CRADD: variants seen among roughly 807,000 people sequenced by gnomAD.
The protein encoded by CRADD is death domain-containing protein CRADD.
Under a neutral mutation model 15.5 loss-of-function variants are expected in CRADD, and 9 were observed. That is an observed-to-expected ratio of 0.58 (90% CI 0.35 to 1.01). The LOEUF is 1.01. Among genes scored for constraint, CRADD ranks in the 50% least tolerant of loss-of-function variants. The pLI is 0.02. For synonymous variants in CRADD, 118 were observed against 107.6 expected (o/e 1.10, Z -0.60); for missense variants, 227 against 250.3 (o/e 0.91, Z 0.63).
chr12:93,780,277 C>T (rs538995568), intron 2 of CRADD, among the ~76,000 whole-genome samples: 3 of 152,108 alleles, frequency 2.0e-5, no homozygotes, highest in Non-Finnish European at 2.9e-5. Flanking sequence ...GAAGCATGCA[C>T]GATAGATAAT....
intron 2 of CRADD, among the ~76,000 whole-genome samples, chr12:93,815,670 T>G (rs1312819784): frequency 1.3e-5 from 2 of 152,232 alleles, no homozygotes; most frequent in Admixed American, 6.5e-5. Context: ...TCCTAAAGTC[T>G]CTTAGCTTTT....
chr12:93,731,889 C>G (rs1956471291), intron 2 of CRADD, among the ~76,000 whole-genome samples: 1 of 152,134 alleles, frequency 6.6e-6, no homozygotes, highest in African/African-American at 2.4e-5. Flanking sequence ...GTAATCCCAG[C>G]ACTTTGGGAG....
At chr12:93,792,009 A>G (rs906481084) in intron 2 of CRADD, among the ~76,000 whole-genome samples, 1 of 151,756 alleles carries the variant, frequency 6.6e-6, no homozygotes, top group Non-Finnish European at 1.5e-5. Flanking sequence ...TTAATTTCCA[A>G]TAACTAGAGA....
intron 2 of CRADD, among the ~76,000 whole-genome samples, chr12:93,735,257 AGGCAGCTTACGAAATGG>A (rs924173828): frequency 6.6e-6 from 1 of 152,210 alleles, no homozygotes; most frequent in Non-Finnish European, 1.5e-5. Context: ...TTAGCAGTGT[AGGCAGCTTACGAAATGG>A]GGCAGGTTTC....
intron 2 of CRADD, among the ~76,000 whole-genome samples, chr12:93,847,872 G>A (rs1029477099): frequency 2.0e-5 from 3 of 152,198 alleles, no homozygotes; most frequent in Admixed American, 2.0e-4. Flanking sequence ...AATTGTGTGT[G>A]TGTATGTTTT....
chr12:93,722,295 G>C (rs1352163324), intron 2 of CRADD, among the ~76,000 whole-genome samples: 1 of 151,944 alleles, frequency 6.6e-6, no homozygotes, highest in African/African-American at 2.4e-5. Context: ...ACTTTTTGTA[G>C]TTTGAAACGA....
At chr12:93,781,648 CTG>C (rs1043150031) in intron 2 of CRADD, among the ~76,000 whole-genome samples, 3 of 152,200 alleles carry the variant, frequency 2.0e-5, no homozygotes, top group Admixed American at 6.5e-5. Context: ...ACAGCACCAC[CTG>C]TGAAGTATTC....
intron 2 of CRADD, among the ~76,000 whole-genome samples, chr12:93,778,103 A>G (rs969206342): frequency 1.3e-5 from 2 of 152,184 alleles, no homozygotes; most frequent in Non-Finnish European, 2.9e-5. Context: ...TTTGGACCAA[A>G]CAGAAGTCCT....
At chr12:93,755,834 A>G (rs1956883924) in intron 2 of CRADD, among the ~76,000 whole-genome samples, 1 of 152,244 alleles carries the variant, frequency 6.6e-6, no homozygotes, top group Admixed American at 6.5e-5. Flanking sequence ...CTTTGTTTCA[A>G]TAAAAGAAAA....
chr12:93,853,808 A>AT (rs1163910057), downstream of CRADD, among the ~76,000 whole-genome samples: 1 of 152,208 alleles, frequency 6.6e-6, no homozygotes, highest in African/African-American at 2.4e-5. Context: ...AAGGGTTGAT[A>AT]GTCTACGTGT....
chr12:93,753,169 G>A (rs1442143297), intron 2 of CRADD, among the ~76,000 whole-genome samples: 1 of 152,036 alleles, frequency 6.6e-6, no homozygotes, highest in Non-Finnish European at 1.5e-5. Flanking sequence ...GAGAGAGTGT[G>A]TGTAGGTGAA....
At chr12:93,793,131 G>A (rs1050909651) in intron 2 of CRADD, among the ~76,000 whole-genome samples, 5 of 152,094 alleles carry the variant, frequency 3.3e-5, no homozygotes, top group African/African-American at 1.2e-4. Flanking sequence ...CAAACCATAA[G>A]CAACTCAAGA....
intron 2 of CRADD, chr12:93,738,454 A>C: frequency 5.7e-6 from 4 of 702,354 alleles, no homozygotes; most frequent in South Asian, 3.0e-5. Context: ...TCTGTTATGA[A>C]GTCTACCCAG....
intron 2 of CRADD, among the ~76,000 whole-genome samples, chr12:93,867,405 T>TATAGATATATATATATATATATATATATA (rs1207739624): frequency 9.8e-6 from 1 of 102,072 alleles, no homozygotes. Flanking sequence ...ATATATATAT[T>TATAGATATATATATATATATATATATATA]TTTTAAACTT....
chr12:93,890,631 T>C (rs983796704), intron 2 of CRADD, among the ~76,000 whole-genome samples: 17 of 152,300 alleles, frequency 1.1e-4, no homozygotes, highest in African/African-American at 2.9e-4. Flanking sequence ...GGCCCTGCCA[T>C]CCTGCTGTAA....
chr12:93,815,088 T>G (rs1332071016), intron 2 of CRADD: 2 of 152,228 alleles, frequency 1.3e-5, no homozygotes, highest in African/African-American at 4.8e-5. Context: ...TAAACAATGC[T>G]CTGGGCAATC....
At chr12:93,751,150 A>G (rs753794564) in intron 2 of CRADD, among the ~76,000 whole-genome samples, 23 of 152,326 alleles carry the variant, frequency 1.5e-4, no homozygotes, top group Middle Eastern at 3.4e-3. Flanking sequence ...TAATTATAGA[A>G]AAAAGTAGAT....
chr12:93,821,792 G>C (rs2137019639), intron 2 of CRADD, among the ~76,000 whole-genome samples: 1 of 152,236 alleles, frequency 6.6e-6, no homozygotes, highest in East Asian at 1.9e-4. Flanking sequence ...AGTCAGTTGG[G>C]TTTCCACTCT....
chr12:93,760,510 T>C (rs567482813), intron 2 of CRADD, among the ~76,000 whole-genome samples: 1 of 152,296 alleles, frequency 6.6e-6, no homozygotes, highest in Non-Finnish European at 1.5e-5. Context: ...TTTTAGAAAA[T>C]AAGATGTCTG....
Sources: gnomAD v4.1 joint callset for allele counts (sites outside exome capture counted in the v4.1 genomes callset) on GRCh38, gnomAD v4.1.1 for gene constraint, MANE v1.5 for transcripts, NCBI Gene and HGNC (gene_info 2026-07-23, HGNC 2026-07-21) for gene names.